The following PPP3R1 variants were observed in gnomAD, a reference collection of about 807,000 sequenced individuals.
PPP3R1 encodes protein phosphatase 3 regulatory subunit B, alpha, also known as calcineurin subunit B type 1.
A neutral mutation model predicts 22.6 loss-of-function variants in PPP3R1; 5 were observed. That is an observed-to-expected ratio of 0.22 (90% CI 0.12 to 0.46). PPP3R1 has a LOEUF of 0.46. Ranked by LOEUF, PPP3R1 falls within the 20% of genes least tolerant of loss-of-function variation. The pLI is 0.99. For missense variants in PPP3R1, 61 were observed against 203.2 expected (o/e 0.30, Z 4.25); for synonymous variants, 56 against 65.2 (o/e 0.86, Z 0.68).
intron 2 of PPP3R1, among the ~76,000 whole-genome samples, chr2:68,198,204 G>A (rs1674844432): frequency 7.1e-6 from 1 of 139,996 alleles, no homozygotes; most frequent in African/African-American, 2.6e-5. Flanking sequence ...TTACATATAT[G>A]TGCATACATA....
chr2:68,195,308 G>A (rs1270741318), intron 2 of PPP3R1, among the ~76,000 whole-genome samples: 2 of 152,070 alleles, frequency 1.3e-5, no homozygotes, highest in Non-Finnish European at 2.9e-5. Context: ...GTTTTCTCAT[G>A]ATTAGAATGC....
At chr2:68,220,474 C>A (rs892170559) in intron 1 of PPP3R1, among the ~76,000 whole-genome samples, 5 of 152,148 alleles carry the variant, frequency 3.3e-5, no homozygotes, top group Admixed American at 2.6e-4. Flanking sequence ...TGTAAATACA[C>A]AGGGAATTGG....
chr2:68,246,931 C>T (rs989760157), intron 1 of PPP3R1, among the ~76,000 whole-genome samples: 1 of 152,164 alleles, frequency 6.6e-6, no homozygotes, highest in Non-Finnish European at 1.5e-5. Context: ...CCATAATCAC[C>T]TAGATAACCC....
intron 1 of PPP3R1, among the ~76,000 whole-genome samples, chr2:68,220,616 T>TA (rs1360826580): frequency 6.6e-6 from 1 of 152,188 alleles, no homozygotes; most frequent in Non-Finnish European, 1.5e-5. Context: ...AACAAACTCT[T>TA]ACGTTCTTTA....
At chr2:68,229,613 T>C (rs1358131631) in intron 1 of PPP3R1, among the ~76,000 whole-genome samples, 2 of 152,168 alleles carry the variant, frequency 1.3e-5, no homozygotes, top group Non-Finnish European at 1.5e-5. Context: ...TCTTAGTGGA[T>C]TGATTAACCC....
intron 2 of PPP3R1, among the ~76,000 whole-genome samples, chr2:68,194,027 T>G (rs532423699): frequency 6.6e-6 from 1 of 152,260 alleles, no homozygotes; most frequent in South Asian, 2.1e-4. Context: ...TTTGCCAGGT[T>G]GAAACTCATG....
At position 68,252,512 on chromosome 2, in the gene PPP3R1, T is replaced by A; in HGVS notation, c.-385A>T. 1 of 911,768 alleles carries A rather than the reference T, an allele frequency of 1.1e-6. No homozygotes were observed. The highest frequency in any genetic ancestry group is 1.5e-4 in the East Asian group (1 of 6,640). The allele number at this position is 911,768 out of a possible 1,614,324, so 56.5% of individuals were successfully genotyped here. A position where few individuals can be genotyped will look rare whatever the true frequency, so the allele number is the denominator to read the frequency against. On this transcript the variant is annotated 5_prime_UTR_variant, in exon 1 of 6. Transcript: ENST00000234310. The stretch of plus-strand genomic sequence containing the variant: ...ACGGACTCACTGCAGCGGCTCGCGC[T>A]GACCCGCAACCTCAAGGCACGAAAA...
chr2:68,198,309 ACATATATG>A (rs1197121107), intron 2 of PPP3R1, among the ~76,000 whole-genome samples: 3 of 138,786 alleles, frequency 2.2e-5, no homozygotes, highest in African/African-American at 7.9e-5. Context: ...ATACATGTAT[ACATATATG>A]TATATACATA....
At chr2:68,231,020 T>A (rs1254632177) in intron 1 of PPP3R1, among the ~76,000 whole-genome samples, 1 of 152,248 alleles carries the variant, frequency 6.6e-6, no homozygotes, top group Non-Finnish European at 1.5e-5. Context: ...TAGCTTAATG[T>A]CTTTTGCCAA....
chr2:68,246,622 C>T (rs1224481021), intron 1 of PPP3R1, among the ~76,000 whole-genome samples: 1 of 152,148 alleles, frequency 6.6e-6, no homozygotes, highest in Non-Finnish European at 1.5e-5. Context: ...TGACTCCTTC[C>T]TCTTTAAGAC....
chr2:68,244,480 G>A (rs1441697804), intron 1 of PPP3R1, among the ~76,000 whole-genome samples: 1 of 152,054 alleles, frequency 6.6e-6, no homozygotes, highest in Non-Finnish European at 1.5e-5. Flanking sequence ...AGATGATTTA[G>A]GCCACCTGCT....
At chr2:68,190,672 CAA>C (rs2103726250) in intron 2 of PPP3R1, among the ~76,000 whole-genome samples, 1 of 152,244 alleles carries the variant, frequency 6.6e-6, no homozygotes, top group South Asian at 2.1e-4. Context: ...TTAAGAACCT[CAA>C]GTCTTTCTAA....
rs201818293 is a variant in PPP3R1 at position 68,233,942 on chromosome 2, C to CA, written c.4-16812dup. 8.6e-3 allele frequency among the ~76,000 whole-genome samples: 1,304 copies of CA among 151,680 alleles called. 9 individuals carry two copies. The highest frequency in any genetic ancestry group is 0.014 in the Non-Finnish European group (967 of 67,868). On this transcript the variant is annotated intron_variant, in intron 1 of 5. Coordinates refer to ENST00000234310, the MANE Select transcript of PPP3R1 (RefSeq NM_000945.4). ...AAAGAAAGTTAACATTTACTGAATA[C>CA]AAAAAAAACAGAGAAATAACATTTA...
intron 2 of PPP3R1, among the ~76,000 whole-genome samples, chr2:68,211,056 T>C (rs1669470623): frequency 6.6e-6 from 1 of 152,186 alleles, no homozygotes; most frequent in South Asian, 2.1e-4. Flanking sequence ...TACTGTTGTC[T>C]ACAAAGTGTG....
intron 1 of PPP3R1, among the ~76,000 whole-genome samples, chr2:68,225,148 A>G (rs1669758153): frequency 6.6e-6 from 1 of 152,188 alleles, no homozygotes; most frequent in African/African-American, 2.4e-5. Flanking sequence ...TTTTCTCCCA[A>G]TTACTAAATC....
At position 68,179,249 on chromosome 2, in the gene PPP3R1, C is replaced by G. The variant is rs1490909144; in HGVS notation, c.*1714G>C. 6.6e-5 allele frequency: 10 copies of G among 152,626 alleles called. No individual in the cohort carries two copies. Among genetic ancestry groups the G allele is most frequent in the African/African-American group, 2.4e-4 (10 of 41,448 alleles). 9.5% of individuals were successfully genotyped at this position (152,626 alleles called of 1,614,324 possible). Reference sequence around the variant, plus strand: ...CTGGCTGGGATTATAAGCCATGCCACTGATCCAGAGGAAGAAAGTTACATG... The same window carrying G: ...CTGGCTGGGATTATAAGCCATGCCAGTGATCCAGAGGAAGAAAGTTACATG... On this transcript the variant is annotated 3_prime_UTR_variant, in exon 6 of 6. Transcript: ENST00000234310.
intron 2 of PPP3R1, among the ~76,000 whole-genome samples, chr2:68,211,433 G>C (rs756572602): frequency 7.8e-6 from 1 of 127,598 alleles, no homozygotes; most frequent in South Asian, 2.8e-4. Context: ...AAACTCTATT[G>C]CTAAAAAATG....
intron 2 of PPP3R1, among the ~76,000 whole-genome samples, chr2:68,199,029 T>A (rs1674900314): frequency 6.6e-6 from 1 of 152,188 alleles, no homozygotes; most frequent in African/African-American, 2.4e-5. Flanking sequence ...AGTGGCACGA[T>A]CTTGGCTCAC....
intron 2 of PPP3R1, among the ~76,000 whole-genome samples, chr2:68,206,097 C>T (rs898215271): frequency 2.6e-5 from 4 of 152,116 alleles, no homozygotes; most frequent in East Asian, 1.9e-4. Context: ...GGATTACAGG[C>T]GTGAGCCACC....
Sources: gnomAD v4.1 joint callset for allele counts (sites outside exome capture counted in the v4.1 genomes callset) on GRCh38, gnomAD v4.1.1 for gene constraint, MANE v1.5 for transcripts, NCBI Gene and HGNC (gene_info 2026-07-23, HGNC 2026-07-21) for gene names.